Variants in PNPLA8 observed in about 807,000 individuals in gnomAD.
The protein encoded by PNPLA8 is patatin like domain 8, phospholipase A2.
A neutral mutation model predicts 76.9 loss-of-function variants in PNPLA8; 39 were observed. The observed-to-expected ratio is 0.51, with a 90% confidence interval of 0.39 to 0.66. The LOEUF (loss-of-function observed/expected upper bound fraction) is 0.66. PNPLA8 is among the 30% of genes least tolerant of loss of function. PNPLA8 has a pLI of 0.00. For synonymous variants in PNPLA8, 301 were observed against 307.9 expected, an observed-to-expected ratio of 0.98 and a Z score of 0.24; for missense variants, 887 against 918.0, an observed-to-expected ratio of 0.97 and a Z score of 0.44.
rs186347202 is a variant in PNPLA8, at chr7:108,480,303, G to A, written c.1879-924C>T. 6.7e-4 allele frequency among the ~76,000 whole-genome samples: 102 copies of A among 152,296 alleles called. 2 individuals carry two copies. The highest frequency in any genetic ancestry group is 2.4e-3 in the African/African-American group (100 of 41,556). On this transcript the variant is annotated intron_variant, in intron 9 of 10. Coordinates refer to ENST00000257694, the MANE Select transcript of PNPLA8 (RefSeq NM_001256007.3). ...GAATTGCTTGAGCCCGGGAGGTCAAGGCTGCAGTGAGCTGAGATCACACCA... is the reference window on the plus strand; with the variant it reads ...GAATTGCTTGAGCCCGGGAGGTCAAAGCTGCAGTGAGCTGAGATCACACCA...
At position 108,479,308 on chromosome 7, in the gene PNPLA8, C is replaced by G. The variant is rs149967036; in HGVS notation, c.1950G>C (p.Val650=). The G allele has an allele frequency of 6.2e-7, 1 of 1,613,104 alleles. No individual in the cohort carries two copies. Among genetic ancestry groups the G allele is most frequent in the African/African-American group, 1.3e-5 (1 of 74,916 alleles). ...CCAGGGATACTATGCACTCTAACGG[C>G]ACATCTGGCCAAAGACATTTACACT... is the stretch of plus-strand genomic sequence containing the variant. ...MHECKCLWPD[V]PLECIVSLGT... Residue 650 remains valine (V), a synonymous_variant, in exon 10 of 11, where the codon GTG becomes GTC. Transcript: ENST00000257694.
chr7:108,472,684 G>A lies in PNPLA8; in HGVS notation c.2075-9C>T. 1 of 1,553,780 alleles carries A rather than the reference G, an allele frequency of 6.4e-7. No individual in the cohort carries two copies. The highest frequency in any genetic ancestry group is 8.6e-7 in the Non-Finnish European group (1 of 1,156,090). ...AAGCATTATATGGACTTCTGTTAAA[G>A]CAAAAAAGAAAAGGATAAGGGGATA... On this transcript the variant is annotated splice_polypyrimidine_tract_variant and intron_variant, in intron 10 of 10. Transcript: ENST00000257694.
intron 8 of PNPLA8, among the ~76,000 whole-genome samples, chr7:108,488,270 C>T (rs545432310): frequency 2.0e-5 from 3 of 152,162 alleles, no homozygotes; most frequent in East Asian, 1.9e-4. Context: ...ATTGACAAAA[C>T]AGTAGTAATG....
At chr7:108,509,619 C>T (rs1457195482) in intron 4 of PNPLA8, among the ~76,000 whole-genome samples, 4 of 149,424 alleles carry the variant, frequency 2.7e-5, no homozygotes, top group Non-Finnish European at 4.5e-5. Flanking sequence ...GTCAGTGTGG[C>T]GATTCCTCAG....
intron 9 of PNPLA8, among the ~76,000 whole-genome samples, chr7:108,486,370 CGTT>C (rs1392179101): frequency 3.9e-5 from 6 of 152,034 alleles, no homozygotes; most frequent in African/African-American, 1.4e-4. Flanking sequence ...TAGGGGAAAT[CGTT>C]GTTAAAAATA....
intron 7 of PNPLA8, 43 bp downstream of exon 7, chr7:108,496,541 A>G (rs759826233): frequency 1.6e-6 from 2 of 1,233,940 alleles, no homozygotes; most frequent in South Asian, 2.8e-5. Flanking sequence ...TGCACATACT[A>G]CCTATATAAT....
chr7:108,491,907 T>C (rs890140613), intron 7 of PNPLA8, among the ~76,000 whole-genome samples: 1 of 152,182 alleles, frequency 6.6e-6, no homozygotes, highest in African/African-American at 2.4e-5. Context: ...ACGGGCTAGT[T>C]AGAGTAACCA....
At chr7:108,492,734 G>A (rs1390286320) in intron 7 of PNPLA8, among the ~76,000 whole-genome samples, 2 of 151,996 alleles carry the variant, frequency 1.3e-5, no homozygotes, top group Non-Finnish European at 2.9e-5. Flanking sequence ...TAAACAATGG[G>A]CGAAAAAATG....
intron 10 of PNPLA8, among the ~76,000 whole-genome samples, chr7:108,474,188 C>A (rs576859290): frequency 6.6e-6 from 1 of 152,254 alleles, no homozygotes; most frequent in African/African-American, 2.4e-5. Context: ...TTATCTCTTT[C>A]TTTCCTTTCT....
chr7:108,478,796 C>T (rs1223077521), intron 10 of PNPLA8, among the ~76,000 whole-genome samples: 1 of 152,190 alleles, frequency 6.6e-6, no homozygotes, highest in Admixed American at 6.6e-5. Context: ...TTTGCCTTGA[C>T]AGTATTAAAT....
At chr7:108,507,100 T>C (rs557582421) in intron 4 of PNPLA8, among the ~76,000 whole-genome samples, 1 of 152,144 alleles carries the variant, frequency 6.6e-6, no homozygotes, top group African/African-American at 2.4e-5. Context: ...CCCAGCACTT[T>C]GGGCGGCCGA....
rs75726001 is a variant in PNPLA8, at chr7:108,488,468, G to A, written c.1684-515C>T. On this transcript the variant is annotated intron_variant, in intron 8 of 10. Coordinates refer to ENST00000257694, the MANE Select transcript of PNPLA8 (RefSeq NM_001256007.3). ...ATGGCAGGTGCCTTCCAGCTACTCG[G>A]GAGGCTGAGGCAGGAGAATTGCTTG... 3.3e-3 allele frequency among the ~76,000 whole-genome samples: 506 copies of A among 152,236 alleles called. 4 individuals are homozygous for A. Among genetic ancestry groups the A allele is most frequent in the African/African-American group, 0.012 (482 of 41,538 alleles).
intron 9 of PNPLA8, among the ~76,000 whole-genome samples, chr7:108,481,180 T>C (rs143117498): frequency 1.0e-3 from 153 of 152,302 alleles, no homozygotes; most frequent in African/African-American, 3.3e-3. Flanking sequence ...CACATGTGAG[T>C]ACAGGATTCT....
intron 5 of PNPLA8, among the ~76,000 whole-genome samples, chr7:108,500,573 G>C (rs987266655): frequency 6.6e-6 from 1 of 152,168 alleles, no homozygotes; most frequent in Non-Finnish European, 1.5e-5. Flanking sequence ...TACTGTTAGA[G>C]TGATCTTGAC....
chr7:108,496,664 T>A lies in PNPLA8; in HGVS notation c.1545A>T (p.Ser515=). ...TTACTGTTCCAACAATGACATTTTG[T>A]GAAAATACATCTGATCCTAATTTTC... ...LYRKLGSDVF[S]QNVIVGTVKM... is the part of the protein sequence containing the mutation. Residue 515 remains serine, a synonymous_variant, in exon 7 of 11, where the codon TCA becomes TCT. Coordinates refer to ENST00000257694, the MANE Select transcript of PNPLA8 (RefSeq NM_001256007.3). 4 of 1,612,746 alleles carry A rather than the reference T, an allele frequency of 2.5e-6. No individual in the cohort carries two copies. Among genetic ancestry groups the A allele is most frequent in the Non-Finnish European group, 3.4e-6 (4 of 1,179,114 alleles).
At chr7:108,492,645 C>G (rs560248372) in intron 7 of PNPLA8, among the ~76,000 whole-genome samples, 1 of 152,084 alleles carries the variant, frequency 6.6e-6, no homozygotes, top group South Asian at 2.1e-4. Context: ...CTAGATTCTA[C>G]TGATGGCATA....
chr7:108,480,056 T>C (rs1305233741), intron 9 of PNPLA8, among the ~76,000 whole-genome samples: 1 of 152,078 alleles, frequency 6.6e-6, no homozygotes, highest in Non-Finnish European at 1.5e-5. Flanking sequence ...ATCATAAACA[T>C]TATATTGTAT....
intron 8 of PNPLA8, among the ~76,000 whole-genome samples, chr7:108,491,001 A>AAAT (rs1216402492): frequency 6.6e-6 from 1 of 152,146 alleles, no homozygotes; most frequent in East Asian, 1.9e-4. Flanking sequence ...AATCTGTAAT[A>AAAT]CCTTAATAAA....
chr7:108,517,343 C>T (rs1378095387), intron 2 of PNPLA8, among the ~76,000 whole-genome samples: 3 of 152,288 alleles, frequency 2.0e-5, no homozygotes, highest in Non-Finnish European at 4.4e-5. Context: ...AAAGATAGTT[C>T]GGTAGCTTCT....
Sources: gnomAD v4.1 joint callset for allele counts (sites outside exome capture counted in the v4.1 genomes callset) on GRCh38, gnomAD v4.1.1 for gene constraint, MANE v1.5 for transcripts, NCBI Gene and HGNC (gene_info 2026-07-23, HGNC 2026-07-21) for gene names.